The following CDYL variants were observed in gnomAD, a reference collection of about 807,000 sequenced individuals.
CDYL encodes the protein chromodomain Y like.
Under a neutral mutation model 47.3 loss-of-function variants are expected in CDYL, and 8 were observed. The observed-to-expected ratio is 0.17, with a 90% CI of 0.10 to 0.31. The LOEUF is 0.31. Among genes scored for constraint, CDYL ranks in the 10% least tolerant of loss-of-function variants. CDYL has a pLI of 1.00. For missense variants in CDYL, 471 were observed against 701.4 expected, an observed-to-expected ratio of 0.67 and a Z score of 3.71; for synonymous variants, 266 against 265.0, an observed-to-expected ratio of 1.00 and a Z score of -0.04.
At chr6:4,917,328 C>G (rs17138962) in intron 2 of CDYL, among the ~76,000 whole-genome samples, 1,559 of 152,246 alleles carry the variant, frequency 0.01, 69 homozygotes, top group Admixed American at 0.071. Context: ...TCTAGAAACA[C>G]CAGAACTGAG....
At chr6:4,742,769 G>T (rs1757819889) in intron 3 of CDYL, among the ~76,000 whole-genome samples, 1 of 152,200 alleles carries the variant, frequency 6.6e-6, no homozygotes. Context: ...TGCCCTCTCA[G>T]GGGTTTTTCC....
intron 1 of CDYL, among the ~76,000 whole-genome samples, chr6:4,780,188 C>G (rs1410811760): frequency 6.6e-6 from 1 of 151,672 alleles, no homozygotes; most frequent in Non-Finnish European, 1.5e-5. Context: ...GCTGGAAGAT[C>G]TGGGTGGTAA....
intron 2 of CDYL, among the ~76,000 whole-genome samples, chr6:4,722,523 G>T (rs1165636500): frequency 6.6e-6 from 1 of 152,116 alleles, no homozygotes; most frequent in African/African-American, 2.4e-5. Context: ...GTGCCACAGT[G>T]ACCAACTCAT....
At position 4,903,216 on chromosome 6, in the gene CDYL, C is replaced by T. The variant is rs143019386; in HGVS notation, c.691+10837C>T. ...CTTAGGGGACGTCCTCCAAATCAGA[C>T]GAGTCAGCAGGCCTGTGCTCCTGCG... On this transcript the variant is annotated intron_variant, in intron 2 of 6. Transcript: ENST00000397588. Among the ~76,000 whole-genome samples, 117 of 152,324 alleles carry T rather than the reference C, an allele frequency of 7.7e-4. 1 individual carries two copies. The highest frequency in any genetic ancestry group is 2.4e-3 in the African/African-American group (99 of 41,560).
Position 4,856,572 on chromosome 6 carries a change from C to G in CDYL, c.25-35141C>G, listed in dbSNP as rs116130188. On this transcript the variant is annotated intron_variant, in intron 1 of 6. Coordinates refer to ENST00000397588, the MANE Select transcript of CDYL (RefSeq NM_004824.4). ...GGGAACAGCTGTGAGGACGCTGTTG[C>G]GACAGTCGGGGCCAGAACAATGGTG... is the stretch of plus-strand genomic sequence containing the variant. Among the ~76,000 whole-genome samples, 28 of 152,218 alleles carry G rather than the reference C, an allele frequency of 1.8e-4. No homozygotes were observed. In the East Asian group the frequency reaches 4.3e-3, roughly 23 times the overall value.
rs549194302 is a variant in CDYL at position 4,927,376 on chromosome 6, G to A, written c.692-8139G>A. ...AAGAACGTCTTTTTTTTTTAACTCA[G>A]ATCAATTTTTTATGTTTTAGTGTTT... On this transcript the variant is annotated intron_variant, in intron 2 of 6. Coordinates refer to ENST00000397588, the MANE Select transcript of CDYL (RefSeq NM_004824.4). Among the ~76,000 whole-genome samples the A allele has an allele frequency of 1.3e-4, 18 of 141,742 alleles. No homozygotes were observed. The East Asian group carries it at 3.3e-3, about 26-fold the overall frequency. 93.0% of individuals were successfully genotyped at this position (141,742 alleles called of 152,430 possible). A position where few individuals can be genotyped will look rare whatever the true frequency, so the allele number is the denominator to read the frequency against.
chr6:4,706,198 G>A (rs1027655342), exon 1 of CDYL: 1 of 152,148 alleles, frequency 6.6e-6, no homozygotes, highest in African/African-American at 2.4e-5. Context: ...ATTCCCGGAA[G>A]GCAATGGGTT....
chr6:4,934,042 T>C (rs758901517), intron 2 of CDYL, among the ~76,000 whole-genome samples: 42 of 152,320 alleles, frequency 2.8e-4, no homozygotes, highest in Non-Finnish European at 5.1e-4. Context: ...ATCTTATATA[T>C]GTACAAGCAA....
chr6:4,900,805 A>G (rs1295304383), intron 2 of CDYL, among the ~76,000 whole-genome samples: 1,281 of 83,688 alleles, frequency 0.015, 248 homozygotes, highest in African/African-American at 0.04. Flanking sequence ...ATATATATAT[A>G]TATATATATA....
At chr6:4,900,829 A>ATATATATATATATC (rs1757026164) in intron 2 of CDYL, among the ~76,000 whole-genome samples, 7 of 80,248 alleles carry the variant, frequency 8.7e-5, no homozygotes, top group Non-Finnish European at 1.8e-4. Context: ...ATATATATAT[A>ATATATATATATATC]TCTTGCCTGT....
At chr6:4,906,960 G>C (rs1289373592) in intron 2 of CDYL, among the ~76,000 whole-genome samples, 1 of 152,180 alleles carries the variant, frequency 6.6e-6, no homozygotes, top group Non-Finnish European at 1.5e-5. Flanking sequence ...TGTATATTGT[G>C]CAGTCTAATG....
At chr6:4,799,404 C>T (rs1027204123) in intron 1 of CDYL, among the ~76,000 whole-genome samples, 9 of 152,150 alleles carry the variant, frequency 5.9e-5, no homozygotes, top group African/African-American at 2.2e-4. Context: ...TTCATAAATA[C>T]CAGCTAAACT....
intron 1 of CDYL, among the ~76,000 whole-genome samples, chr6:4,713,785 A>G (rs1757201470): frequency 6.6e-6 from 1 of 152,112 alleles, no homozygotes; most frequent in South Asian, 2.1e-4. Flanking sequence ...ATGAAGTTTC[A>G]CCATTTTGGC....
At chr6:4,801,785 C>T (rs1302266738) in intron 1 of CDYL, among the ~76,000 whole-genome samples, 5 of 152,096 alleles carry the variant, frequency 3.3e-5, no homozygotes, top group Non-Finnish European at 4.4e-5. Flanking sequence ...AGCTTTATGC[C>T]GCCCTAGCTT....
At chr6:4,778,261 A>G (rs1188444336) in intron 1 of CDYL, among the ~76,000 whole-genome samples, 1 of 152,198 alleles carries the variant, frequency 6.6e-6, no homozygotes, top group African/African-American at 2.4e-5. Context: ...TTGTTTAGTC[A>G]TGAGTGTTCA....
intron 1 of CDYL, among the ~76,000 whole-genome samples, chr6:4,874,067 C>A (rs1234972772): frequency 2.6e-5 from 4 of 152,144 alleles, no homozygotes; most frequent in Admixed American, 1.3e-4. Flanking sequence ...CTCTAAAATT[C>A]TTCCCACTCA....
chr6:4,801,052 A>C (rs1759212148), intron 1 of CDYL, among the ~76,000 whole-genome samples: 1 of 152,130 alleles, frequency 6.6e-6, no homozygotes, highest in African/African-American at 2.4e-5. Flanking sequence ...ATTTTTGGGA[A>C]TTCTACTTAT....
At chr6:4,708,756 C>A in intron 1 of CDYL, among the ~76,000 whole-genome samples, 1 of 152,170 alleles carries the variant, frequency 6.6e-6, no homozygotes, top group East Asian at 1.9e-4. Context: ...CAGTGGCTCA[C>A]ACCTGTAATC....
At position 4,857,954 on chromosome 6, in the gene CDYL, C is replaced by T. The variant is rs528342468; in HGVS notation, c.25-33759C>T. On this transcript the variant is annotated intron_variant, in intron 1 of 6. Coordinates refer to ENST00000397588, the MANE Select transcript of CDYL (RefSeq NM_004824.4). The stretch of plus-strand genomic sequence containing the variant: ...TAGTGATTTAAAGACGTGGATTTGC[C>T]AAGTTGGATTGTATCCTTTCAGCCT... 7.9e-5 allele frequency among the ~76,000 whole-genome samples: 12 copies of T among 152,230 alleles called. No individual in the cohort carries two copies. The South Asian group carries it at 1.5e-3, about 18-fold the overall frequency.
Sources: allele counts gnomAD v4.1 joint callset (sites outside exome capture counted in the v4.1 genomes callset), GRCh38; gene constraint gnomAD v4.1.1; transcripts MANE v1.5; gene names NCBI Gene and HGNC (gene_info 2026-07-23, HGNC 2026-07-21).